TAB2: variants seen among roughly 807,000 people sequenced by gnomAD.
TAB2 encodes the protein TGF-beta activated kinase 1 (MAP3K7) binding protein 2.
In TAB2, 3 loss-of-function variants were observed where a neutral mutation model predicts 65.0. The ratio of observed to expected loss-of-function variants is 0.05; its 90% confidence interval spans 0.02 to 0.12. The LOEUF (loss-of-function observed/expected upper bound fraction) is 0.12. Among genes scored for constraint, TAB2 ranks in the 10% least tolerant of loss-of-function variants. The probability of loss-of-function intolerance (pLI) is 1.00; values close to 1 mark genes in which losing one functional copy is unlikely to be tolerated. For synonymous variants in TAB2, 298 were observed against 285.1 expected (o/e 1.05, Z -0.46); for missense variants, 623 against 840.3 (o/e 0.74, Z 3.20).
chr6:149,289,130 A>G (rs1583066787), intron 1 of TAB2, among the ~76,000 whole-genome samples: 1 of 152,208 alleles, frequency 6.6e-6, no homozygotes. Context: ...AAGTCCTGAG[A>G]TTACAGGTGT....
chr6:149,306,557 C>CAAAAAAAAAAA (rs58001933), intron 1 of TAB2, among the ~76,000 whole-genome samples: 2 of 108,610 alleles, frequency 1.8e-5, no homozygotes, highest in African/African-American at 3.1e-5. Context: ...GACTCCGTCT[C>CAAAAAAAAAAA]AAAAAAAAAA....
chr6:149,368,645 TTGTGTG>T (rs3056968), intron 1 of TAB2, among the ~76,000 whole-genome samples: 16,838 of 147,552 alleles, frequency 0.11, 1,240 homozygotes, highest in East Asian at 0.39. Context: ...ATGCGAAAAT[TTGTGTG>T]TGTGTGTGTG....
chr6:149,385,734 A>G (rs1279934996), intron 3 of TAB2, among the ~76,000 whole-genome samples: 2 of 152,154 alleles, frequency 1.3e-5, no homozygotes, highest in Non-Finnish European at 2.9e-5. Context: ...TCCTTTCTGT[A>G]CTTTAAATTC....
At chr6:149,320,654 T>C (rs1779419938) in intron 1 of TAB2, among the ~76,000 whole-genome samples, 1 of 149,672 alleles carries the variant, frequency 6.7e-6, no homozygotes, top group Non-Finnish European at 1.5e-5. Flanking sequence ...TTGAGGAATG[T>C]GTATTTTCTA....
chr6:149,373,844 T>A (rs1411393745), intron 2 of TAB2, among the ~76,000 whole-genome samples: 1 of 152,204 alleles, frequency 6.6e-6, no homozygotes, highest in Admixed American at 6.5e-5. Context: ...GAGAAATGGC[T>A]GATTGCAAGT....
chr6:149,349,008 T>C (rs1218983090), intron 1 of TAB2, among the ~76,000 whole-genome samples: 1 of 151,908 alleles, frequency 6.6e-6, no homozygotes, highest in Non-Finnish European at 1.5e-5. Context: ...ATTTTATTCA[T>C]GTTAAATAAA....
intron 6 of TAB2, among the ~76,000 whole-genome samples, chr6:149,402,820 A>G (rs920244576): frequency 2.0e-5 from 3 of 152,246 alleles, no homozygotes; most frequent in Admixed American, 2.0e-4. Flanking sequence ...GGATGGTTCA[A>G]CATACACAAA....
intron 1 of TAB2, among the ~76,000 whole-genome samples, chr6:149,368,279 G>A (rs769222671): frequency 3.9e-5 from 6 of 152,122 alleles, no homozygotes; most frequent in Non-Finnish European, 5.9e-5. Flanking sequence ...GAGAGATCTA[G>A]TAAGTTGAGG....
chr6:149,298,728 C>T (rs1338930905), intron 1 of TAB2, among the ~76,000 whole-genome samples: 2 of 132,954 alleles, frequency 1.5e-5, no homozygotes, highest in Non-Finnish European at 3.2e-5. Flanking sequence ...ACTCTTTATT[C>T]TAACAAAGAA....
intron 1 of TAB2, among the ~76,000 whole-genome samples, chr6:149,272,757 C>T (rs1299486506): frequency 1.3e-5 from 2 of 152,202 alleles, no homozygotes; most frequent in Non-Finnish European, 2.9e-5. Context: ...TATTCTGCAT[C>T]CCTTACCAGT....
At chr6:149,279,394 C>T (rs6924904) in intron 1 of TAB2, among the ~76,000 whole-genome samples, 45,909 of 151,862 alleles carry the variant, frequency 0.3, 8,322 homozygotes, top group African/African-American at 0.52. Context: ...CTTCTTCCTC[C>T]ATACGCTTAC....
At chr6:149,346,316 A>G in intron 1 of TAB2, among the ~76,000 whole-genome samples, 1 of 152,144 alleles carries the variant, frequency 6.6e-6, no homozygotes, top group Non-Finnish European at 1.5e-5. Context: ...CCAGGAGTCC[A>G]CTATGGGAAA....
At chr6:149,349,030 G>A (rs1394158109) in intron 1 of TAB2, among the ~76,000 whole-genome samples, 1 of 151,918 alleles carries the variant, frequency 6.6e-6, no homozygotes, top group African/African-American at 2.4e-5. Flanking sequence ...TAAGAAATAT[G>A]TAAATACTAC....
chr6:149,320,548 G>A (rs1779412943), intron 1 of TAB2, among the ~76,000 whole-genome samples: 1 of 152,064 alleles, frequency 6.6e-6, no homozygotes, highest in Non-Finnish European at 1.5e-5. Flanking sequence ...TGTTTAGAGT[G>A]AAATGTACAT....
intron 1 of TAB2, chr6:149,346,586 TG>T (rs1296749843): frequency 5.3e-5 from 8 of 151,818 alleles, no homozygotes; most frequent in African/African-American, 1.9e-4. Flanking sequence ...CCCAAATAGC[TG>T]GGATTACAGG....
intron 1 of TAB2, among the ~76,000 whole-genome samples, chr6:149,290,486 C>T (rs116184303): frequency 1.9e-3 from 296 of 152,262 alleles, no homozygotes; most frequent in Middle Eastern, 6.8e-3. Flanking sequence ...AGAATGTAAA[C>T]TCCACAAAGG....
chr6:149,407,558 C>T (rs1284930032), intron 6 of TAB2, among the ~76,000 whole-genome samples: 2 of 152,080 alleles, frequency 1.3e-5, no homozygotes, highest in East Asian at 3.8e-4. Flanking sequence ...AGTTTGTATG[C>T]TGGCTGTTTT....
chr6:149,310,004 A>G (rs1249005003), intron 1 of TAB2, among the ~76,000 whole-genome samples: 2 of 152,026 alleles, frequency 1.3e-5, no homozygotes, highest in Non-Finnish European at 2.9e-5. Flanking sequence ...TTTTAAACTC[A>G]TTTTGTCAAC....
At chr6:149,282,221 C>T (rs1402875306) in intron 1 of TAB2, among the ~76,000 whole-genome samples, 2 of 151,816 alleles carry the variant, frequency 1.3e-5, no homozygotes, top group Non-Finnish European at 2.9e-5. Flanking sequence ...AAAAACATAA[C>T]AATCCTAAAT....
Sources: allele counts gnomAD v4.1 joint callset (sites outside exome capture counted in the v4.1 genomes callset), GRCh38; gene constraint gnomAD v4.1.1; transcripts MANE v1.5; gene names NCBI Gene and HGNC (gene_info 2026-07-23, HGNC 2026-07-21).